The following SPEF2 variants were observed in gnomAD, a reference collection of about 807,000 sequenced individuals.
SPEF2 encodes sperm flagella and cilia-associated protein 2.
SPEF2 carries 187 observed loss-of-function variants against 224.6 expected under a neutral mutation model. The observed-to-expected ratio is 0.83, with a 90% CI of 0.74 to 0.94. The LOEUF is 0.94. SPEF2 is among the 40% of genes least tolerant of loss of function. The pLI is 0.00. For missense variants in SPEF2, 2,170 were observed against 2,135.6 expected, an observed-to-expected ratio of 1.02 and a Z score of -0.32; for synonymous variants, 715 against 707.3, an observed-to-expected ratio of 1.01 and a Z score of -0.17.
At position 35,755,362 on chromosome 5, in the gene SPEF2, A is replaced by G. The variant is rs142515684; in HGVS notation, c.3468+1601A>G. Among the ~76,000 whole-genome samples, 1,002 of 152,344 alleles carry G rather than the reference A, an allele frequency of 6.6e-3. 6 individuals carry two copies. The highest frequency in any genetic ancestry group is 0.014 in the Admixed American group (210 of 15,300). ...TTATGGCAGAAATAGCTGAAAACCAATAATGAAGGCATAGGGAACAGATAA... is the reference window on the plus strand; with the variant it reads ...TTATGGCAGAAATAGCTGAAAACCAGTAATGAAGGCATAGGGAACAGATAA... On this transcript the variant is annotated intron_variant, in intron 24 of 36. Transcript: ENST00000356031.
intron 34 of SPEF2, among the ~76,000 whole-genome samples, chr5:35,803,103 C>T (rs1311248911): frequency 6.6e-6 from 1 of 151,906 alleles, no homozygotes; most frequent in African/African-American, 2.4e-5. Flanking sequence ...GTGAACATGG[C>T]CAGGAAAGAA....
At chr5:35,661,257 TATATATATATATATA>T (rs1749665421) in intron 8 of SPEF2, among the ~76,000 whole-genome samples, 1 of 6,236 alleles carries the variant, frequency 1.6e-4, no homozygotes, top group Non-Finnish European at 2.5e-4. Context: ...GTATATATTA[TATATATATATATATA>T]TATATATATA....
intron 33 of SPEF2, among the ~76,000 whole-genome samples, chr5:35,799,047 C>T (rs1757063515): frequency 6.6e-6 from 1 of 152,202 alleles, no homozygotes; most frequent in Admixed American, 6.5e-5. Context: ...AGGAAATACC[C>T]TCTGACTCTA....
In SPEF2 at chr5:35,793,118, T is replaced by C. The variant is rs751391057; in HGVS notation, c.4555-41T>C. 40 of 1,564,748 alleles carry C rather than the reference T, an allele frequency of 2.6e-5. No homozygotes were observed. The Admixed American group carries it at 6.5e-4, about 26-fold the overall frequency. On this transcript the variant is annotated intron_variant, in intron 31 of 36. Transcript: ENST00000356031. ...TGAGCAAGTAGAGCATCAAGATAGA[T>C]TCATGTAGATATTCCAAAGATATTT...
chr5:35,622,661 A>C (rs1174912000), intron 1 of SPEF2, among the ~76,000 whole-genome samples: 1 of 152,208 alleles, frequency 6.6e-6, no homozygotes. Flanking sequence ...ACTCAGAATC[A>C]TTAGAAAATC....
intron 18 of SPEF2, 71 bp from the exon 19 acceptor site, chr5:35,708,877 C>T (rs147357482): frequency 2.2e-6 from 3 of 1,347,958 alleles, no homozygotes; most frequent in Non-Finnish European, 3.1e-6. Context: ...ATTTAGATTT[C>T]TCTTAGTTCA....
chr5:35,727,157 G>C (rs750624991), intron 20 of SPEF2, among the ~76,000 whole-genome samples: 2 of 152,132 alleles, frequency 1.3e-5, no homozygotes, highest in Non-Finnish European at 2.9e-5. Context: ...CATGTGCAGA[G>C]AATGTTCAGG....
At position 35,807,552 on chromosome 5, in the gene SPEF2, A is replaced by C; in HGVS notation, c.5379+299A>C. 3 of 1,256,300 alleles carry C rather than the reference A, an allele frequency of 2.4e-6. No homozygotes were observed. In the South Asian group the frequency reaches 3.9e-5, roughly 16 times the overall value. The allele number at this position is 1,256,300 out of a possible 1,614,324, so 77.8% of individuals were successfully genotyped here. Reference sequence around the variant, plus strand: ...AGCCTGTGATTGAAGGGTTTGGAGAATAAGATTCCTCCTGCCAAAGAGAAC... The same window carrying C: ...AGCCTGTGATTGAAGGGTTTGGAGACTAAGATTCCTCCTGCCAAAGAGAAC... On this transcript the variant is annotated intron_variant, in intron 36 of 36. Transcript: ENST00000356031.
intron 2 of SPEF2, among the ~76,000 whole-genome samples, chr5:35,635,915 G>A (rs917863040): frequency 4.6e-5 from 7 of 151,962 alleles, no homozygotes; most frequent in Admixed American, 1.3e-4. Context: ...TTTATAATAG[G>A]CCATTGAAGG....
At chr5:35,710,964 T>C (rs1740991553) in intron 19 of SPEF2, 1 of 827,854 alleles carries the variant, frequency 1.2e-6, no homozygotes, top group African/African-American at 1.9e-5. Context: ...CCAACCTTAC[T>C]GTGATGGACA....
At chr5:35,651,328 C>T (rs1383666539) in intron 6 of SPEF2, among the ~76,000 whole-genome samples, 1 of 152,160 alleles carries the variant, frequency 6.6e-6, no homozygotes, top group Non-Finnish European at 1.5e-5. Flanking sequence ...TCACAGAAGC[C>T]TTCACTTGGT....
intron 1 of SPEF2, 71 bp downstream of exon 1, chr5:35,618,126 G>T (rs1312173092): frequency 7.3e-6 from 11 of 1,506,292 alleles, no homozygotes; most frequent in African/African-American, 1.4e-5. Context: ...GCAGCGCAGC[G>T]CACTCAGGGA....
At chr5:35,713,029 T>C (rs1191626426) in intron 20 of SPEF2, 143 bp downstream of exon 20, 23 of 766,978 alleles carry the variant, frequency 3.0e-5, no homozygotes, top group Non-Finnish European at 1.6e-5. Flanking sequence ...CCAAAGAATA[T>C]AGTCGCAAAC....
intron 8 of SPEF2, among the ~76,000 whole-genome samples, chr5:35,661,254 T>TTTTATA (rs1749654454): frequency 2.1e-5 from 2 of 93,996 alleles, no homozygotes; most frequent in African/African-American, 3.7e-5. Context: ...TTGGTATATA[T>TTTTATA]TATATATATA....
intron 26 of SPEF2, chr5:35,764,754 G>A (rs1462573937): frequency 2.2e-6 from 1 of 455,784 alleles, no homozygotes; most frequent in Non-Finnish European, 4.4e-6. Flanking sequence ...CTGCCTTCAG[G>A]CTTCTTTTTC....
rs114878956 is a variant in SPEF2 at position 35,709,716 on chromosome 5, C to A, written c.2839+595C>A. 1.7e-3 allele frequency: 1,674 copies of A among 985,266 alleles called. 19 individuals carry two copies. In the African/African-American group the frequency reaches 0.028, roughly 16 times the overall value. 61.0% of individuals were successfully genotyped at this position (985,266 alleles called of 1,614,324 possible). A position where few individuals can be genotyped will look rare whatever the true frequency, so the allele number is the denominator to read the frequency against. On this transcript the variant is annotated intron_variant, in intron 19 of 36. Coordinates refer to ENST00000356031, the MANE Select transcript of SPEF2 (RefSeq NM_024867.4). ...TTTAAGTTTGTTCTAGATCCTTAAC[C>A]GCTATGGACCATAAGTCTAGCATTA...
At chr5:35,641,268 A>T (rs918897576) in intron 2 of SPEF2, among the ~76,000 whole-genome samples, 163 bp from the exon 3 acceptor site, 1 of 152,192 alleles carries the variant, frequency 6.6e-6, no homozygotes, top group Non-Finnish European at 1.5e-5. Context: ...GTCAATAAAA[A>T]AATCTCAATG....
intron 25 of SPEF2, among the ~76,000 whole-genome samples, chr5:35,760,025 T>G (rs1404847240): frequency 6.6e-6 from 1 of 152,170 alleles, no homozygotes; most frequent in Non-Finnish European, 1.5e-5. Flanking sequence ...ACACAAATTC[T>G]GAATTCTGAA....
chr5:35,800,511 G>T (rs372858381), intron 34 of SPEF2, among the ~76,000 whole-genome samples: 1 of 152,158 alleles, frequency 6.6e-6, no homozygotes. Flanking sequence ...GATGAAACAA[G>T]TTCAGGTCTA....
Sources: gnomAD v4.1 joint callset for allele counts (sites outside exome capture counted in the v4.1 genomes callset) on GRCh38, gnomAD v4.1.1 for gene constraint, MANE v1.5 for transcripts, NCBI Gene and HGNC (gene_info 2026-07-23, HGNC 2026-07-21) for gene names.